The following SLC4A7 variants were observed in gnomAD, a reference collection of about 807,000 sequenced individuals.
SLC4A7 encodes sodium bicarbonate cotransporter 3.
SLC4A7 carries 51 observed loss-of-function variants against 137.6 expected under a neutral mutation model. The observed-to-expected ratio is 0.37, with a 90% CI of 0.30 to 0.47. SLC4A7 has a LOEUF of 0.47. Among genes scored for constraint, SLC4A7 ranks in the 20% least tolerant of loss-of-function variants. SLC4A7 has a pLI of 1.00. For missense variants in SLC4A7, 1,247 were observed against 1,525.4 expected, an observed-to-expected ratio of 0.82 and a Z score of 3.04; for synonymous variants, 542 against 518.6, an observed-to-expected ratio of 1.05 and a Z score of -0.61.
chr3:27,388,545 T>C (rs1046926401), intron 22 of SLC4A7, among the ~76,000 whole-genome samples: 3 of 152,198 alleles, frequency 2.0e-5, no homozygotes, highest in Non-Finnish European at 4.4e-5. Context: ...ACAAATTTTA[T>C]ACTTCCAGTG....
chr3:27,394,360 T>C (rs2051917417), intron 20 of SLC4A7, among the ~76,000 whole-genome samples, 158 bp downstream of exon 20: 1 of 151,700 alleles, frequency 6.6e-6, no homozygotes, highest in Non-Finnish European at 1.5e-5. Flanking sequence ...ACTGAAATGC[T>C]TGCTATACTA....
At chr3:27,433,794 G>A (rs1210156459) in intron 6 of SLC4A7, 122 bp downstream of exon 6, 1 of 751,828 alleles carries the variant, frequency 1.3e-6, no homozygotes, top group Non-Finnish European at 2.2e-6. Flanking sequence ...AAGCAGGAAG[G>A]AGAAGTAATT....
intron 18 of SLC4A7, among the ~76,000 whole-genome samples, chr3:27,397,261 C>T (rs955314266): frequency 6.6e-6 from 1 of 152,180 alleles, no homozygotes; most frequent in Non-Finnish European, 1.5e-5. Context: ...AGTGATCCAC[C>T]TGCCTCGGCC....
At chr3:27,415,131 T>G (rs966913165) in intron 11 of SLC4A7, among the ~76,000 whole-genome samples, 5 of 152,176 alleles carry the variant, frequency 3.3e-5, no homozygotes, top group African/African-American at 1.2e-4. Context: ...GAGACTGAAT[T>G]AGAGACATTG....
At chr3:27,459,986 T>TACACACACACACAC (rs752496985) in intron 1 of SLC4A7, among the ~76,000 whole-genome samples, 1 of 131,334 alleles carries the variant, frequency 7.6e-6, no homozygotes, top group Non-Finnish European at 1.6e-5. Context: ...TATATATATA[T>TACACACACACACAC]ATATACACAC....
At chr3:27,383,385 T>C in intron 23 of SLC4A7, 135 bp from the exon 24 acceptor site, 2 of 668,046 alleles carry the variant, frequency 3.0e-6, no homozygotes, top group Non-Finnish European at 5.2e-6. Context: ...TGAAAAATTT[T>C]ATAATCATGA....
chr3:27,458,445 C>T (rs1372404391), intron 1 of SLC4A7, among the ~76,000 whole-genome samples: 1 of 152,104 alleles, frequency 6.6e-6, no homozygotes, highest in East Asian at 1.9e-4. Context: ...ATAGACATGT[C>T]ATACACTTCA....
rs371505881 is a variant in SLC4A7 at position 27,436,556 on chromosome 3, C to A, written c.429-8G>T. ...TCTTCAAATTTCAGCCATCTGAATG[C>A]ATAATGTATAAAAATATTTTATAAG... is the stretch of plus-strand genomic sequence containing the variant. On this transcript the variant is annotated splice_polypyrimidine_tract_variant and splice_region_variant and intron_variant, in intron 4 of 25. Coordinates refer to ENST00000454389, the MANE Select transcript of SLC4A7 (RefSeq NM_001321103.2). 1.3e-6 allele frequency: 2 copies of A among 1,564,820 alleles called. No individual in the cohort carries two copies. Among genetic ancestry groups the A allele is most frequent in the South Asian group, 1.2e-5 (1 of 86,076 alleles).
intron 24 of SLC4A7, among the ~76,000 whole-genome samples, chr3:27,380,314 TAA>T (rs60223718): frequency 0.8 from 108,736 of 136,272 alleles, 43,293 homozygotes; most frequent in East Asian, 0.94. Flanking sequence ...CTCCAGAATT[TAA>T]AAAAAAAAAA....
intron 23 of SLC4A7, among the ~76,000 whole-genome samples, chr3:27,384,030 A>G (rs2150034013): frequency 6.6e-6 from 1 of 152,352 alleles, no homozygotes; most frequent in East Asian, 1.9e-4. Flanking sequence ...TGGACAGTGG[A>G]CACGGAAGAA....
At chr3:27,450,349 C>T (rs1404412063) in intron 2 of SLC4A7, among the ~76,000 whole-genome samples, 3 of 151,854 alleles carry the variant, frequency 2.0e-5, no homozygotes, top group Non-Finnish European at 2.9e-5. Context: ...AGATATGTTT[C>T]GAGAATTAGA....
rs746878652 is a variant in SLC4A7, at chr3:27,421,747, C to A, written c.1299G>T (p.Thr433=). 6.2e-7 allele frequency: 1 copy of A among 1,612,728 alleles called. No homozygotes were observed. The highest frequency in any genetic ancestry group is 1.7e-5 in the Admixed American group (1 of 59,924). The change falls in exon 9 of 26, where the codon ACG becomes ACT. Residue 433 remains threonine (T), a synonymous_variant. Transcript: ENST00000454389. ...VDMNFMRKIP[T]GAEASNVLVG... ...CCAGGACGTTGGATGCCTCAGCACC[C>A]GTAGGAATTTTTCTCATGAAATTCA...
At chr3:27,380,497 T>A (rs2050316491) in intron 24 of SLC4A7, among the ~76,000 whole-genome samples, 1 of 152,108 alleles carries the variant, frequency 6.6e-6, no homozygotes, top group African/African-American at 2.4e-5. Flanking sequence ...TTAATACAAA[T>A]ACATTTGCAA....
chr3:27,400,597 G>A (rs948945468), intron 16 of SLC4A7, among the ~76,000 whole-genome samples, 167 bp downstream of exon 16: 2 of 152,054 alleles, frequency 1.3e-5, no homozygotes, highest in East Asian at 1.9e-4. Flanking sequence ...ACTTTCGAGC[G>A]CATGATACAT....
intron 1 of SLC4A7, among the ~76,000 whole-genome samples, chr3:27,479,018 A>C (rs1432884234): frequency 1.3e-5 from 2 of 151,970 alleles, no homozygotes; most frequent in South Asian, 2.1e-4. Flanking sequence ...GAAAAAAAAA[A>C]ACAAAAAAAC....
Position 27,403,392 on chromosome 3 carries a change from G to T in SLC4A7, c.2076-8C>A. 3 of 1,556,286 alleles carry T rather than the reference G, an allele frequency of 1.9e-6. No homozygotes were observed. The highest frequency in any genetic ancestry group is 2.6e-6 in the Non-Finnish European group (3 of 1,145,794). ...TAAGAAAGTTGATAATCTCTGTTTA[G>T]AAAGAAAAATATGAATATGATAAAC... On this transcript the variant is annotated splice_polypyrimidine_tract_variant and splice_region_variant and intron_variant, in intron 14 of 25. Transcript: ENST00000454389.
chr3:27,418,461 C>T (rs377667216), intron 11 of SLC4A7, 25 bp downstream of exon 11: 62 of 1,573,236 alleles, frequency 3.9e-5, no homozygotes, highest in Middle Eastern at 3.4e-4. Context: ...AAGTAAGTCA[C>T]AGAAGAATAG....
chr3:27,448,820 A>G (rs1456641286), intron 2 of SLC4A7, 23 bp from the exon 3 acceptor site: 5 of 1,540,686 alleles, frequency 3.2e-6, no homozygotes, highest in Non-Finnish European at 3.5e-6. Flanking sequence ...TCAGAAACAT[A>G]TTACTAGCTT....
At chr3:27,413,697 G>A (rs1045039669) in intron 11 of SLC4A7, among the ~76,000 whole-genome samples, 1 of 152,110 alleles carries the variant, frequency 6.6e-6, no homozygotes, top group Non-Finnish European at 1.5e-5. Flanking sequence ...AAGAAATAAT[G>A]TTACTTTCTT....
Sources: allele counts gnomAD v4.1 joint callset (sites outside exome capture counted in the v4.1 genomes callset), GRCh38; gene constraint gnomAD v4.1.1; transcripts MANE v1.5; gene names NCBI Gene and HGNC (gene_info 2026-07-23, HGNC 2026-07-21).